Variants in CTBP1 observed in about 807,000 individuals in gnomAD.
CTBP1 encodes C-terminal-binding protein 1.
In CTBP1, 11 loss-of-function variants were observed where a neutral mutation model predicts 42.1. That is an observed-to-expected ratio of 0.26 (90% confidence interval 0.16 to 0.43). The LOEUF (loss-of-function observed/expected upper bound fraction) is 0.43, where lower values mean the gene tolerates loss of function less well. Ranked by LOEUF, CTBP1 falls within the 20% of genes least tolerant of loss-of-function variation. The pLI is 1.00. For missense variants in CTBP1, 399 were observed against 624.3 expected (o/e 0.64, Z 3.85); for synonymous variants, 324 against 277.1 (o/e 1.17, Z -1.68).
At chr4:1,227,032 G>A (rs1452139658) in intron 4 of CTBP1, among the ~76,000 whole-genome samples, 1 of 152,070 alleles carries the variant, frequency 6.6e-6, no homozygotes, top group Non-Finnish European at 1.5e-5. Flanking sequence ...GCATCGAGAG[G>A]AGGAGAAAAA....
intron 6 of CTBP1, among the ~76,000 whole-genome samples, chr4:1,214,775 CT>C (rs996311565): frequency 6.6e-6 from 1 of 152,192 alleles, no homozygotes; most frequent in African/African-American, 2.4e-5. Flanking sequence ...CTTGGTCCCC[CT>C]GTGGTACCCC....
At chr4:1,245,861 G>A (rs1228796565) in intron 1 of CTBP1, among the ~76,000 whole-genome samples, 1 of 152,102 alleles carries the variant, frequency 6.6e-6, no homozygotes, top group Non-Finnish European at 1.5e-5. Flanking sequence ...CTCTCTCAGG[G>A]CCATAGCCCC....
intron 3 of CTBP1, chr4:1,237,277 C>A (rs1731627810): frequency 3.0e-6 from 2 of 672,806 alleles, no homozygotes; most frequent in South Asian, 3.1e-5. Flanking sequence ...CCTCATGGGG[C>A]TCAGGGAAAA....
chr4:1,246,933 G>A (rs969788321), intron 1 of CTBP1, among the ~76,000 whole-genome samples: 12 of 152,232 alleles, frequency 7.9e-5, no homozygotes, highest in Non-Finnish European at 7.3e-5. Context: ...CCTTGGGGGA[G>A]GCAGACAGGA....
In CTBP1 at chr4:1,240,267, C is replaced by T. The variant is rs1427570500; in HGVS notation, c.7+1058G>A. Among the ~76,000 whole-genome samples, 26 of 135,010 alleles carry T rather than the reference C, an allele frequency of 1.9e-4. 1 individual carries two copies. Among genetic ancestry groups the T allele is most frequent in the Admixed American group, 8.0e-4 (11 of 13,676 alleles). The allele number at this position is 135,010 out of a possible 152,430, so 88.6% of individuals were successfully genotyped here. On this transcript the variant is annotated intron_variant, in intron 2 of 9. Coordinates refer to ENST00000382952, the MANE Select transcript of CTBP1 (RefSeq NM_001012614.2). ...CTCCCGGGTGCTGGGTGAGTGGGAC[C>T]GGGTCCCTCGTCGGAACCGCCTGGG...
At chr4:1,234,241 T>C (rs1731256950) in intron 3 of CTBP1, among the ~76,000 whole-genome samples, 1 of 152,230 alleles carries the variant, frequency 6.6e-6, no homozygotes, top group Admixed American at 6.5e-5. Context: ...CCTCTCTGGC[T>C]TCTGCAATGT....
rs763847829 is a variant in CTBP1 at position 1,216,011 on chromosome 4, T to C, written c.709A>G (p.Asn237Asp). ...CGCACCTGCTTGACGGTGAAGTCGT[T>C]GATGAGGTGGTGGTTGTGCTCGTTG... ...GLNEHNHHLI[N>D]DFTVKQMRQG... Residue 237 changes from asparagine to aspartate, a missense_variant, in exon 6 of 10, where the codon AAC becomes GAC. Asn to Asp is a conservative substitution (Grantham distance 23, BLOSUM62 1). This residue lies in a region of CTBP1 where 309 missense variants were observed against 497.5 expected (regional missense o/e 0.62). Coordinates refer to ENST00000382952, the MANE Select transcript of CTBP1 (RefSeq NM_001012614.2). The C allele has an allele frequency of 6.2e-7, 1 of 1,611,162 alleles. No individual in the cohort carries two copies. Among genetic ancestry groups the C allele is most frequent in the Non-Finnish European group, 8.5e-7 (1 of 1,179,670 alleles).
At chr4:1,236,273 G>T in intron 3 of CTBP1, 1 of 249,672 alleles carries the variant, frequency 4.0e-6, no homozygotes, top group Non-Finnish European at 7.7e-6. Flanking sequence ...ACAAGTAGAA[G>T]CCAGACCAAC....
At chr4:1,236,436 A>C in intron 3 of CTBP1, 2 of 565,388 alleles carry the variant, frequency 3.5e-6, no homozygotes, top group Non-Finnish European at 6.3e-6. Flanking sequence ...GGCCGGGGGA[A>C]GCACCTTACT....
chr4:1,245,110 A>G, intron 1 of CTBP1: 1 of 985,332 alleles, frequency 1.0e-6, no homozygotes, highest in Non-Finnish European at 1.2e-6. Flanking sequence ...CTCCGACGAC[A>G]GCACCCCAGA....
Position 1,214,273 on chromosome 4 carries a change from G to A in CTBP1, c.860+70C>T, listed in dbSNP as rs564301381. ...AAGTGTCCGGCCTGGCAGAGGCGCC[G>A]TCTGGAGGTCAAGGCCGGCAGGATG... On this transcript the variant is annotated intron_variant, in intron 7 of 9. Coordinates refer to ENST00000382952, the MANE Select transcript of CTBP1 (RefSeq NM_001012614.2). 142 of 1,463,748 alleles carry A rather than the reference G, an allele frequency of 9.7e-5. 1 individual carries two copies. The South Asian group carries it at 1.3e-3, about 14-fold the overall frequency. 90.7% of individuals were successfully genotyped at this position (1,463,748 alleles called of 1,614,324 possible). A position where few individuals can be genotyped will look rare whatever the true frequency, so the allele number is the denominator to read the frequency against.
chr4:1,214,251 T>A (rs769384403), intron 7 of CTBP1, 92 bp downstream of exon 7: 7 of 1,401,896 alleles, frequency 5.0e-6, no homozygotes, highest in South Asian at 1.6e-5. Flanking sequence ...TACAGGCAAG[T>A]GTCCGGCCTG....
At chr4:1,232,601 T>G (rs1289029143) in intron 3 of CTBP1, among the ~76,000 whole-genome samples, 1 of 152,246 alleles carries the variant, frequency 6.6e-6, no homozygotes, top group South Asian at 2.1e-4. Context: ...CGTGAGCTGC[T>G]GCACCCCACC....
At chr4:1,230,802 A>G (rs1190501823) in intron 3 of CTBP1, among the ~76,000 whole-genome samples, 3 of 152,222 alleles carry the variant, frequency 2.0e-5, no homozygotes, top group East Asian at 1.9e-4. Context: ...TGCTTCCTGC[A>G]TCGGCTCTTC....
At chr4:1,225,219 G>A (rs1374760366) in intron 5 of CTBP1, 141 bp downstream of exon 5, 2 of 981,216 alleles carry the variant, frequency 2.0e-6, no homozygotes, top group South Asian at 1.7e-5. Flanking sequence ...TGGTGCCTGT[G>A]CGCACTCAGT....
intron 8 of CTBP1, 138 bp downstream of exon 8, chr4:1,213,340 G>T: frequency 7.2e-7 from 1 of 1,384,350 alleles, no homozygotes; most frequent in Non-Finnish European, 9.9e-7. Context: ...AGAGGTCCCT[G>T]CTGGGGGTGC....
Position 1,212,172 on chromosome 4 carries a change from C to A in CTBP1, c.*68G>T. 2.3e-6 allele frequency: 3 copies of A among 1,317,966 alleles called. No individual in the cohort carries two copies. Among genetic ancestry groups the A allele is most frequent in the Non-Finnish European group, 3.0e-6 (3 of 1,004,584 alleles). The allele number at this position is 1,317,966 out of a possible 1,614,324, so 81.6% of individuals were successfully genotyped here. On this transcript the variant is annotated 3_prime_UTR_variant, in exon 10 of 10. Coordinates refer to ENST00000382952, the MANE Select transcript of CTBP1 (RefSeq NM_001012614.2). ...AGGGCCACCACACAGATGCCTCCTC[C>A]ACACACTCTGGTCCGAGGGTTTCCG...
intron 5 of CTBP1, chr4:1,216,612 C>G (rs941355229): frequency 8.8e-5 from 24 of 271,484 alleles, no homozygotes; most frequent in Non-Finnish European, 1.4e-4. Flanking sequence ...ATCAATGTTT[C>G]CGGCATCTCA....
chr4:1,224,463 T>C lies in CTBP1; in HGVS notation c.514+897A>G, dbSNP rs950156755. Among the ~76,000 whole-genome samples, 6 of 150,768 alleles carry C rather than the reference T, an allele frequency of 4.0e-5. No homozygotes were observed. In the East Asian group the frequency reaches 7.9e-4, roughly 20 times the overall value. ...TCTGTGTGTTATCTGTGCGTGCCCA[T>C]GAGGCCTGTGTGTGCTGTGATGTCC... On this transcript the variant is annotated intron_variant, in intron 5 of 9. Transcript: ENST00000382952.
Sources: allele counts gnomAD v4.1 joint callset (sites outside exome capture counted in the v4.1 genomes callset), GRCh38; gene constraint gnomAD v4.1.1; regional missense constraint gnomAD v4.1.1; transcripts MANE v1.5; gene names NCBI Gene and HGNC (gene_info 2026-07-23, HGNC 2026-07-21).